HIP1R: variants seen among roughly 807,000 people sequenced by gnomAD.
The protein encoded by HIP1R is huntingtin interacting protein 1 related, also known as huntingtin-interacting protein 1-related protein.
A neutral mutation model predicts 144.2 loss-of-function variants in HIP1R; 135 were observed. The observed-to-expected ratio is 0.94, with a 90% CI of 0.81 to 1.08. The LOEUF is 1.08. HIP1R is among the 50% of genes least tolerant of loss of function. The pLI is 0.00. For synonymous variants in HIP1R, 698 were observed against 612.8 expected, an observed-to-expected ratio of 1.14 and a Z score of -2.05; for missense variants, 1,462 against 1,432.8, an observed-to-expected ratio of 1.02 and a Z score of -0.33.
In HIP1R at chr12:122,860,066, G is replaced by T; in HGVS notation, c.2485G>T (p.Asp829Tyr). The change falls in exon 25 of 32, where the codon GAC becomes TAC. Residue 829 changes from aspartate (D) to tyrosine (Y), a missense_variant. Physicochemically the swap from Asp to Tyr is radical, Grantham distance 160 (BLOSUM62 -3). Around this residue, in one of 2 missense-constraint regions of HIP1R, gnomAD observed 1,112 missense variants for 1,011.7 expected, o/e 1.10. Transcript: ENST00000253083. Reference sequence around the variant, plus strand: ...CCCCAGGATCCTCAACTCCTGCACAGACCTGATGAAGGTGAGGGGCTGTGA... The same window carrying T: ...CCCCAGGATCCTCAACTCCTGCACATACCTGATGAAGGTGAGGGGCTGTGA... ...VNERILNSCT[D>Y]LMKAIRLLVT... 1 of 1,574,456 alleles carries T rather than the reference G, an allele frequency of 6.4e-7. No homozygotes were observed.
intron 8 of HIP1R, among the ~76,000 whole-genome samples, chr12:122,854,525 A>ACCT (rs1471706095): frequency 2.0e-5 from 3 of 152,038 alleles, no homozygotes; most frequent in Non-Finnish European, 4.4e-5. Flanking sequence ...GGGTGTTAGG[A>ACCT]GAGTTTTGAT....
intron 12 of HIP1R, 89 bp from the exon 13 acceptor site, chr12:122,855,742 G>A (rs2033549589): frequency 2.6e-6 from 4 of 1,510,828 alleles, no homozygotes. Flanking sequence ...CAAATCCTGA[G>A]TGGCCACTGA....
rs980007449 is a variant in HIP1R at position 122,859,128 on chromosome 12, G to A, written c.2226G>A (p.Gln742=). 1 of 1,592,962 alleles carries A rather than the reference G, an allele frequency of 6.3e-7. No individual in the cohort carries two copies. The highest frequency in any genetic ancestry group is 8.5e-7 in the Non-Finnish European group (1 of 1,170,542). Residue 742 remains glutamine (Q), a synonymous_variant, in exon 22 of 32, where the codon CAG becomes CAA. Coordinates refer to ENST00000253083, the MANE Select transcript of HIP1R (RefSeq NM_003959.3). ...ALELMGQLQD[Q]QALRHMQASL... ...AGCTCATGGGGCAGCTGCAGGACCAGCAGGCTCTGCGGCACATGCAGGCCA... is the reference window on the plus strand; with the variant it reads ...AGCTCATGGGGCAGCTGCAGGACCAACAGGCTCTGCGGCACATGCAGGCCA...
chr12:122,846,161 T>C (rs1327736174), intron 1 of HIP1R, among the ~76,000 whole-genome samples: 1 of 152,158 alleles, frequency 6.6e-6, no homozygotes, highest in Non-Finnish European at 1.5e-5. Context: ...GCCAGTGAGC[T>C]GGGGAAAGTC....
intron 1 of HIP1R, among the ~76,000 whole-genome samples, chr12:122,846,773 G>A (rs1230516443): frequency 1.3e-5 from 2 of 152,128 alleles, no homozygotes; most frequent in East Asian, 1.9e-4. Flanking sequence ...CCCAGAGGCT[G>A]CCTGGCCCAG....
At chr12:122,848,928 C>T in intron 4 of HIP1R, 76 bp downstream of exon 4, 2 of 1,482,636 alleles carry the variant, frequency 1.3e-6, no homozygotes, top group South Asian at 2.3e-5. Flanking sequence ...AAGGGTGGCT[C>T]CCTGTGGGCA....
intron 12 of HIP1R, 49 bp from the exon 13 acceptor site, chr12:122,855,779 CTGT>C: frequency 6.5e-7 from 1 of 1,538,718 alleles, no homozygotes; most frequent in East Asian, 2.5e-5. Context: ...TGTGCTGGGT[CTGT>C]TGACTGTTCT....
In HIP1R at chr12:122,858,163, G is replaced by T; in HGVS notation, c.1877G>T (p.Gly626Val). 6.2e-7 allele frequency: 1 copy of T among 1,606,526 alleles called. No individual in the cohort carries two copies. Among genetic ancestry groups the T allele is most frequent in the Non-Finnish European group, 8.5e-7 (1 of 1,178,448 alleles). Residue 626 changes from glycine to valine, a missense_variant, in exon 19 of 32, where the codon GGC becomes GTC. Around this residue, in one of 2 missense-constraint regions of HIP1R, gnomAD observed 1,112 missense variants for 1,011.7 expected, o/e 1.10. Transcript: ENST00000253083. ...GACGAGCAGTTCGCAGTGTTGCGGG[G>T]CGCTGCTGCCGAGGCCGCGGGCATC... ...LLDEQFAVLRGAAAEAAGILQ... is the reference protein window; with the variant it reads ...LLDEQFAVLRVAAAEAAGILQ...
In HIP1R at chr12:122,836,290, C is replaced by G. The variant is rs1481126698; in HGVS notation, c.93+647C>G. ...CCAGACTTGTTTGCCCGAGCGCTGC[C>G]CACGTATAAATAGGTGCACACCCCC... On this transcript the variant is annotated intron_variant, in intron 1 of 31. Coordinates refer to ENST00000253083, the MANE Select transcript of HIP1R (RefSeq NM_003959.3). The surrounding 1 kb of genome is among the most constrained non-coding windows in gnomAD (Gnocchi z 4.1). Among the ~76,000 whole-genome samples, 1 of 152,164 alleles carries G rather than the reference C, an allele frequency of 6.6e-6. No homozygotes were observed. Among genetic ancestry groups the G allele is most frequent in the Non-Finnish European group, 1.5e-5 (1 of 68,028 alleles).
Position 122,858,825 on chromosome 12 carries a change from C to A in HIP1R, c.2051-13C>A. On this transcript the variant is annotated splice_polypyrimidine_tract_variant and intron_variant, in intron 20 of 31. Coordinates refer to ENST00000253083, the MANE Select transcript of HIP1R (RefSeq NM_003959.3). ...TCATCCTCCCCCAACCTTGGCCCCA[C>A]CCACCCGCACAGACGCCTCCGCCCT... The A allele has an allele frequency of 6.3e-7, 1 of 1,599,696 alleles. No individual in the cohort carries two copies. Among genetic ancestry groups the A allele is most frequent in the Non-Finnish European group, 8.6e-7 (1 of 1,168,368 alleles).
intron 31 of HIP1R, 26 bp from the exon 32 acceptor site, chr12:122,861,680 T>C (rs2033778079): frequency 6.2e-7 from 1 of 1,613,450 alleles, no homozygotes; most frequent in Non-Finnish European, 8.5e-7. Flanking sequence ...CTGTGACCAC[T>C]GACCCCCCAC....
chr12:122,835,447 C>T, upstream of HIP1R: 1 of 1,147,682 alleles, frequency 8.7e-7, no homozygotes, highest in Non-Finnish European at 1.1e-6. Flanking sequence ...CGGGCGGGCC[C>T]GGGCGCGGCG....
chr12:122,835,080 TTCCCCCTCCCCCTTCCCCTACCCTCCCC>T, upstream of HIP1R: 1 of 1,015,724 alleles, frequency 9.8e-7, no homozygotes, highest in South Asian at 1.3e-5. Flanking sequence ...GAGGGAGGGG[TTCCCCCTCCCCCTTCCCCTACCCTCCCC>T]TCCGGGTTTA....
At position 122,859,095 on chromosome 12, in the gene HIP1R, G is replaced by A; in HGVS notation, c.2193G>A (p.Arg731=). 6.2e-7 allele frequency: 1 copy of A among 1,603,074 alleles called. No individual in the cohort carries two copies. The highest frequency in any genetic ancestry group is 8.5e-7 in the Non-Finnish European group (1 of 1,175,526). Reference sequence around the variant, plus strand: ...ACACCTGCAGGGAGTGCGGGGCCCGGGCTCTGGAGCTCATGGGGCAGCTGC... The same window carrying A: ...ACACCTGCAGGGAGTGCGGGGCCCGAGCTCTGGAGCTCATGGGGCAGCTGC... ...LIDTCRECGA[R]ALELMGQLQD... Residue 731 remains arginine (R), a synonymous_variant, in exon 22 of 32, where the codon CGG becomes CGA. Transcript: ENST00000253083.
At chr12:122,853,257 CA>C (rs1482050824) in intron 7 of HIP1R, among the ~76,000 whole-genome samples, 1 of 136,198 alleles carries the variant, frequency 7.3e-6, no homozygotes, top group Non-Finnish European at 1.6e-5. Flanking sequence ...GTGTCAGGGG[CA>C]GGGGAGACGG....
chr12:122,848,648 C>T, intron 3 of HIP1R, 40 bp downstream of exon 3: 1 of 1,598,130 alleles, frequency 6.3e-7, no homozygotes. Flanking sequence ...GGAGCTGGGG[C>T]ACTGTCCCGC....
Position 122,856,291 on chromosome 12 carries a change from C to G in HIP1R, c.1348C>G (p.Leu450Val). ...TGCCACGGAGGCGCGCTACAACAAG[C>G]TGAAGGAAAAGCACAGTGAGCTCGT... Reference protein sequence around the residue: ...ASATEARYNKLKEKHSELVHV... With the variant: ...ASATEARYNKVKEKHSELVHV... The change falls in exon 15 of 32, where the codon CTG becomes GTG. Residue 450 changes from leucine (L) to valine (V), a missense_variant. This residue lies in a region of HIP1R where 1,112 missense variants were observed against 1,011.7 expected (regional missense o/e 1.10). Coordinates refer to ENST00000253083, the MANE Select transcript of HIP1R (RefSeq NM_003959.3). 1 of 1,613,894 alleles carries G rather than the reference C, an allele frequency of 6.2e-7. No homozygotes were observed. Among genetic ancestry groups the G allele is most frequent in the Non-Finnish European group, 8.5e-7 (1 of 1,179,990 alleles).
chr12:122,861,714 A>C lies in HIP1R; in HGVS notation c.3168A>C (p.Lys1056Asn). ...ACCTTTAACCCCTGCAGCTTGACAAAAAGGATGGCATCTACCCAGCTCAAC... is the reference window on the plus strand; with the variant it reads ...ACCTTTAACCCCTGCAGCTTGACAACAAGGATGGCATCTACCCAGCTCAAC... ...VAPRQDHQLD[K>N]KDGIYPAQLV... The change falls in exon 32 of 32, where the codon AAA becomes AAC. Residue 1056 changes from lysine to asparagine, a missense_variant. Physicochemically the swap from Lys to Asn is moderately conservative, Grantham distance 94. Transcript: ENST00000253083. The C allele has an allele frequency of 1.2e-6, 2 of 1,614,102 alleles. No individual in the cohort carries two copies. Among genetic ancestry groups the C allele is most frequent in the South Asian group, 1.1e-5 (1 of 91,088 alleles).
At chr12:122,842,958 T>C (rs1044649878) in intron 1 of HIP1R, among the ~76,000 whole-genome samples, 16 of 152,228 alleles carry the variant, frequency 1.1e-4, no homozygotes, top group African/African-American at 3.9e-4. Context: ...GCCACTGGAC[T>C]GAGCTGAAGG....
Sources: gnomAD v4.1 joint callset for allele counts (sites outside exome capture counted in the v4.1 genomes callset) on GRCh38, gnomAD v4.1.1 for gene constraint, gnomAD v4.1.1 regional missense constraint, Gnocchi (gnomAD v3.1) non-coding constraint, MANE v1.5 for transcripts, NCBI Gene and HGNC (gene_info 2026-07-23, HGNC 2026-07-21) for gene names.